SLC38A12: variants seen among roughly 807,000 people sequenced by gnomAD.
SLC38A12 encodes putative sodium-coupled neutral amino acid transporter 12.
At chr17:74,790,944 T>C in the SLC38A12 span, 4 of 1,613,824 alleles carry the variant, frequency 2.5e-6, no homozygotes, top group East Asian at 8.9e-5. Context: ...CCTTGTTCTT[T>C]TGGCTCTGCA....
the SLC38A12 span, chr17:74,838,419 C>T: frequency 2.0e-6 from 2 of 1,009,260 alleles, no homozygotes; most frequent in Non-Finnish European, 2.4e-6. Flanking sequence ...TCTCCAATTA[C>T]GTTCCCTCTT....
the SLC38A12 span, among the ~76,000 whole-genome samples, chr17:74,778,242 A>G: frequency 6.6e-6 from 1 of 152,208 alleles, no homozygotes; most frequent in African/African-American, 2.4e-5. Flanking sequence ...TATGTAACGT[A>G]TGATTGGTCA....
the SLC38A12 span, among the ~76,000 whole-genome samples, chr17:74,827,295 C>T: frequency 6.6e-6 from 1 of 151,118 alleles, no homozygotes; most frequent in Admixed American, 6.6e-5. The surrounding 1 kb of genome is among the most constrained non-coding windows in gnomAD (Gnocchi z 4.7). Context: ...CTACAGTCAT[C>T]TCCTTTTTTT....
At chr17:74,835,950 G>A in the SLC38A12 span, 3 of 1,610,016 alleles carry the variant, frequency 1.9e-6, no homozygotes, top group Non-Finnish European at 2.5e-6. Flanking sequence ...GATTGTGCTG[G>A]CCCTGATCCG....
the SLC38A12 span, chr17:74,795,018 T>A: frequency 6.2e-7 from 1 of 1,613,204 alleles, no homozygotes; most frequent in East Asian, 2.2e-5. Flanking sequence ...TCAGTGGGGG[T>A]CAACTTGTTC....
chr17:74,832,859 A>G, the SLC38A12 span, among the ~76,000 whole-genome samples: 2 of 152,272 alleles, frequency 1.3e-5, no homozygotes, highest in Non-Finnish European at 2.9e-5. Flanking sequence ...CATCCAGCCC[A>G]CGAAGGTAGA....
chr17:74,839,165 C>G, the SLC38A12 span: 2 of 1,507,388 alleles, frequency 1.3e-6, no homozygotes, highest in Non-Finnish European at 1.8e-6. Context: ...CAGCAGCTGC[C>G]AGCTTATAGA....
the SLC38A12 span, among the ~76,000 whole-genome samples, chr17:74,813,930 C>T: frequency 6.6e-5 from 10 of 152,244 alleles, no homozygotes; most frequent in Non-Finnish European, 7.3e-5. Flanking sequence ...AGCTGCAGTC[C>T]GCTCCGTCTC....
the SLC38A12 span, chr17:74,790,857 G>T: frequency 9.6e-7 from 1 of 1,042,362 alleles, no homozygotes; most frequent in Non-Finnish European, 1.4e-6. Flanking sequence ...GGACACTTGG[G>T]GATTTCATGG....
chr17:74,784,736 T>G, the SLC38A12 span, among the ~76,000 whole-genome samples: 5 of 152,038 alleles, frequency 3.3e-5, no homozygotes. Flanking sequence ...GTGGGTTGTT[T>G]AAAACCTGAA....
At chr17:74,791,946 A>T in the SLC38A12 span, among the ~76,000 whole-genome samples, 1 of 151,852 alleles carries the variant, frequency 6.6e-6, no homozygotes, top group Non-Finnish European at 1.5e-5. Context: ...GGAGATCGAG[A>T]CCATCCTGGC....
chr17:74,797,866 G>A, the SLC38A12 span, among the ~76,000 whole-genome samples: 1 of 152,180 alleles, frequency 6.6e-6, no homozygotes, highest in African/African-American at 2.4e-5. Context: ...ATCCCTGTGC[G>A]TCTTTGTAAA....
chr17:74,791,637 G>A, the SLC38A12 span, among the ~76,000 whole-genome samples: 1 of 152,240 alleles, frequency 6.6e-6, no homozygotes, highest in Non-Finnish European at 1.5e-5. Flanking sequence ...ACGCCTGGGC[G>A]TGGCTTCCCA....
the SLC38A12 span, among the ~76,000 whole-genome samples, chr17:74,794,202 C>T: frequency 6.6e-6 from 1 of 152,226 alleles, no homozygotes; most frequent in Non-Finnish European, 1.5e-5. Context: ...TTCTTCTCAC[C>T]CTTACGGGTT....
chr17:74,788,510 C>T, the SLC38A12 span, among the ~76,000 whole-genome samples: 54,476 of 152,008 alleles, frequency 0.36, 11,595 homozygotes, highest in Non-Finnish European at 0.48. Context: ...CCCAGTATCA[C>T]GTCTGCCCCC....
chr17:74,788,837 G>T, the SLC38A12 span: 5 of 1,613,362 alleles, frequency 3.1e-6, no homozygotes, highest in Admixed American at 1.7e-5. Flanking sequence ...CAGCCAACGC[G>T]CAGCTCCACT....
the SLC38A12 span, among the ~76,000 whole-genome samples, chr17:74,798,713 T>C: frequency 6.6e-6 from 1 of 152,214 alleles, no homozygotes; most frequent in South Asian, 2.1e-4. Context: ...CAGGATCTGC[T>C]ATCAGCTGAC....
At chr17:74,783,920 G>C in the SLC38A12 span, among the ~76,000 whole-genome samples, 1 of 151,502 alleles carries the variant, frequency 6.6e-6, no homozygotes, top group South Asian at 2.1e-4. Context: ...GTAGAGACAG[G>C]GTTTCACCAT....
the SLC38A12 span, among the ~76,000 whole-genome samples, chr17:74,829,437 G>A: frequency 6.6e-6 from 1 of 152,136 alleles, no homozygotes; most frequent in Admixed American, 6.5e-5. The surrounding 1 kb of genome is among the most constrained non-coding windows in gnomAD (Gnocchi z 4.1). Flanking sequence ...GCACACTTCA[G>A]TTTGAGCCAG....
Sources: allele counts gnomAD v4.1 joint callset (sites outside exome capture counted in the v4.1 genomes callset), GRCh38; gene constraint gnomAD v4.1.1; non-coding constraint Gnocchi (gnomAD v3.1); transcripts MANE v1.5; gene names NCBI Gene and HGNC (gene_info 2026-07-23, HGNC 2026-07-21).